Variants in DNAJC15 observed in about 807,000 individuals in gnomAD.
DNAJC15 encodes DnaJ heat shock protein family (Hsp40) member C15.
A neutral mutation model predicts 22.4 loss-of-function variants in DNAJC15; 27 were observed. That is an observed-to-expected ratio of 1.20 (90% CI 0.89 to 1.66). The LOEUF (loss-of-function observed/expected upper bound fraction) is 1.66, where lower values mean the gene tolerates loss of function less well. Ranked by LOEUF, DNAJC15 falls within the 40% of genes most tolerant of loss-of-function variation. The pLI is 0.00. For missense variants in DNAJC15, 208 were observed against 187.1 expected (o/e 1.11, Z -0.65); for synonymous variants, 79 against 63.2 (o/e 1.25, Z -1.19).
In DNAJC15 at chr13:43,051,534, C is replaced by T. The variant is rs371299123; in HGVS notation, c.109-14152C>T. Among the ~76,000 whole-genome samples the T allele has an allele frequency of 2.0e-4, 31 of 152,168 alleles. No individual in the cohort carries two copies. In the East Asian group the frequency reaches 3.9e-3, roughly 19 times the overall value. ...TGAGAACATACAATATTTGGTTTTC[C>T]GTTCCTGAGTTACTTCGCTTAGAAT... On this transcript the variant is annotated intron_variant, in intron 1 of 5. Transcript: ENST00000379221.
chr13:43,048,124 G>A (rs2040485798), intron 1 of DNAJC15, among the ~76,000 whole-genome samples: 1 of 152,220 alleles, frequency 6.6e-6, no homozygotes, highest in Non-Finnish European at 1.5e-5. Flanking sequence ...TATGGTCAGA[G>A]AGAATGCAGT....
At position 43,092,014 on chromosome 13, in the gene DNAJC15, G is replaced by T. The variant is rs542928217; in HGVS notation, c.382+6176G>T. Among the ~76,000 whole-genome samples, 5 of 152,278 alleles carry T rather than the reference G, an allele frequency of 3.3e-5. No homozygotes were observed. The East Asian group carries it at 9.6e-4, about 29-fold the overall frequency. ...TGTTCTAGATATGTGAGTAAAGTTT[G>T]TTGACTGTATTGTTCAGATCTTCTG... On this transcript the variant is annotated intron_variant, in intron 5 of 5. Transcript: ENST00000379221.
chr13:43,106,033 A>AC lies in DNAJC15; in HGVS notation c.383-1141dup, dbSNP rs200787647. On this transcript the variant is annotated intron_variant, in intron 5 of 5. Transcript: ENST00000379221. ...GGTAAATATAGCTTTCTCCAGCATT[A>AC]CCCCTTCTACCACAACACCATGTTT... Among the ~76,000 whole-genome samples, 3 of 152,198 alleles carry AC rather than the reference A, an allele frequency of 2.0e-5. No individual in the cohort carries two copies. The East Asian group carries it at 5.8e-4, about 29-fold the overall frequency.
intron 1 of DNAJC15, among the ~76,000 whole-genome samples, chr13:43,057,041 G>A (rs1315518366): frequency 1.3e-5 from 2 of 152,138 alleles, no homozygotes; most frequent in East Asian, 3.8e-4. Context: ...CAACACTTAA[G>A]ATTCTTTCCT....
intron 1 of DNAJC15, among the ~76,000 whole-genome samples, chr13:43,037,036 A>G (rs1329390706): frequency 6.6e-6 from 1 of 152,122 alleles, no homozygotes. Context: ...CTACCCTGCC[A>G]AGCTGATAGG....
At chr13:43,069,284 A>T (rs1472331324) in intron 3 of DNAJC15, among the ~76,000 whole-genome samples, 1 of 152,178 alleles carries the variant, frequency 6.6e-6, no homozygotes, top group Non-Finnish European at 1.5e-5. Flanking sequence ...TTACCCGTTT[A>T]GTTACTGTTC....
intron 4 of DNAJC15, among the ~76,000 whole-genome samples, chr13:43,080,998 A>G (rs2040659187): frequency 6.6e-6 from 1 of 152,214 alleles, no homozygotes. Flanking sequence ...GGTGAAGGCA[A>G]AATGGAGCCG....
At chr13:43,070,528 A>G (rs1282825957) in intron 3 of DNAJC15, among the ~76,000 whole-genome samples, 2 of 152,146 alleles carry the variant, frequency 1.3e-5, no homozygotes, top group Non-Finnish European at 2.9e-5. Context: ...AAATCAGGGT[A>G]AGAGGTTAAA....
At chr13:43,058,729 C>A (rs2040542995) in intron 1 of DNAJC15, among the ~76,000 whole-genome samples, 4 of 152,198 alleles carry the variant, frequency 2.6e-5, no homozygotes, top group African/African-American at 9.6e-5. Context: ...TTCCCTAATT[C>A]CAGTGGCAAC....
At chr13:43,093,104 A>G (rs1308203853) in intron 5 of DNAJC15, among the ~76,000 whole-genome samples, 3 of 152,158 alleles carry the variant, frequency 2.0e-5, no homozygotes, top group African/African-American at 7.2e-5. Flanking sequence ...TAAGCTCTTA[A>G]TGTCATTTCT....
At chr13:43,036,380 G>A (rs1593309913) in intron 1 of DNAJC15, among the ~76,000 whole-genome samples, 1 of 152,096 alleles carries the variant, frequency 6.6e-6, no homozygotes, top group East Asian at 1.9e-4. Context: ...TCTGCAGGCA[G>A]GTCATCCTGA....
At chr13:43,047,937 G>A (rs1450527343) in intron 1 of DNAJC15, among the ~76,000 whole-genome samples, 2 of 152,164 alleles carry the variant, frequency 1.3e-5, no homozygotes, top group Non-Finnish European at 2.9e-5. Flanking sequence ...TATTTAGTGA[G>A]AACATAAGAT....
chr13:43,067,350 A>C (rs2040588966), intron 2 of DNAJC15, among the ~76,000 whole-genome samples: 1 of 152,204 alleles, frequency 6.6e-6, no homozygotes, highest in South Asian at 2.1e-4. Flanking sequence ...CTTATGTCTC[A>C]GTTATATAAC....
Position 43,087,386 on chromosome 13 carries a change from G to T in DNAJC15, c.382+1548G>T, listed in dbSNP as rs2040693728. 2.6e-5 allele frequency among the ~76,000 whole-genome samples: 4 copies of T among 152,192 alleles called. No homozygotes were observed. The South Asian group carries it at 6.2e-4, about 24-fold the overall frequency. ...AATGTTGGAACTTCTCTCTTTGATG[G>T]AGTTGAGAGATGATAGCTCATAAAT... On this transcript the variant is annotated intron_variant, in intron 5 of 5. Coordinates refer to ENST00000379221, the MANE Select transcript of DNAJC15 (RefSeq NM_013238.3).
At chr13:43,044,528 G>T (rs1324239700) in intron 1 of DNAJC15, among the ~76,000 whole-genome samples, 2 of 152,092 alleles carry the variant, frequency 1.3e-5, no homozygotes, top group Non-Finnish European at 2.9e-5. Flanking sequence ...AGTTGTTCAA[G>T]ACAATAACCT....
intron 1 of DNAJC15, among the ~76,000 whole-genome samples, chr13:43,059,070 G>C (rs536118733): frequency 6.6e-6 from 1 of 152,286 alleles, no homozygotes; most frequent in South Asian, 2.1e-4. Flanking sequence ...TGGAGCAAAA[G>C]TTCACGGTGT....
At chr13:43,090,470 A>G (rs1435789129) in intron 5 of DNAJC15, among the ~76,000 whole-genome samples, 1 of 152,164 alleles carries the variant, frequency 6.6e-6, no homozygotes, top group Admixed American at 6.5e-5. Flanking sequence ...AAACCTAAAT[A>G]TGAAAGGTAA....
chr13:43,030,494 A>G (rs931007741), intron 1 of DNAJC15, among the ~76,000 whole-genome samples: 1 of 152,212 alleles, frequency 6.6e-6, no homozygotes, highest in African/African-American at 2.4e-5. Flanking sequence ...ATTTATGAAA[A>G]CAGTTGCTCT....
rs138979969 is a variant in DNAJC15, at chr13:43,084,456, A to C, written c.312-1312A>C. 9.2e-5 allele frequency among the ~76,000 whole-genome samples: 14 copies of C among 152,344 alleles called. No homozygotes were observed. In the East Asian group the frequency reaches 2.5e-3, roughly 27 times the overall value. On this transcript the variant is annotated intron_variant, in intron 4 of 5. Transcript: ENST00000379221. ...CAGCTAATAAGTAGTGGAATCAAGA[A>C]TTTGAACCTGTTTCTGACTAACTGT...
Sources: allele counts gnomAD v4.1 joint callset (sites outside exome capture counted in the v4.1 genomes callset), GRCh38; gene constraint gnomAD v4.1.1; transcripts MANE v1.5; gene names NCBI Gene and HGNC (gene_info 2026-07-23, HGNC 2026-07-21).